Variants in APBA2 observed in about 807,000 individuals in gnomAD.
APBA2 encodes the protein amyloid beta precursor protein binding family A member 2.
In APBA2, 30 loss-of-function variants were observed where a neutral mutation model predicts 75.0. That is an observed-to-expected ratio of 0.40 (90% confidence interval 0.30 to 0.54). The LOEUF (loss-of-function observed/expected upper bound fraction) is 0.54. Ranked by LOEUF, APBA2 falls within the 20% of genes least tolerant of loss-of-function variation. The pLI, the probability that APBA2 is intolerant of heterozygous loss-of-function variation, is 0.49. For synonymous variants in APBA2, 444 were observed against 409.6 expected (o/e 1.08, Z -1.01); for missense variants, 801 against 1,016.1 (o/e 0.79, Z 2.88).
chr15:29,108,334 T>A lies in APBA2; in HGVS notation c.1982T>A (p.Leu661His), dbSNP rs1193959626. 1.2e-6 allele frequency: 2 copies of A among 1,613,978 alleles called. No individual in the cohort carries two copies. The highest frequency in any genetic ancestry group is 1.7e-5 in the Admixed American group (1 of 60,010). Residue 661 changes from leucine (L) to histidine (H), a missense_variant, in exon 13 of 15, where the codon CTT becomes CAT. Physicochemically the swap from Leu to His is moderately conservative, Grantham distance 99. Around this residue, in one of 2 missense-constraint regions of APBA2, gnomAD observed 367 missense variants for 544.5 expected, o/e 0.67. Transcript: ENST00000683413. ...AGCTGTCCCCCGGTCACCACGGTCC[T>A]TATCAAGCGGCCAGACCTCAAGTAC... ...IVSCPPVTTV[L>H]IKRPDLKYQL...
chr15:28,968,210 C>T (rs1466947180), intron 2 of APBA2, among the ~76,000 whole-genome samples: 2 of 152,220 alleles, frequency 1.3e-5, no homozygotes, highest in South Asian at 2.1e-4. Context: ...GTTGTTTCCA[C>T]GTTTTGGGGA....
chr15:29,042,800 C>G (rs1345553542), intron 3 of APBA2, among the ~76,000 whole-genome samples: 2 of 152,048 alleles, frequency 1.3e-5, no homozygotes, highest in Non-Finnish European at 2.9e-5. Flanking sequence ...ATTTCTTTGT[C>G]TCTGAGGATG....
intron 2 of APBA2, among the ~76,000 whole-genome samples, chr15:28,984,761 C>A (rs572059158): frequency 6.6e-6 from 1 of 151,044 alleles, no homozygotes; most frequent in South Asian, 2.1e-4. Flanking sequence ...TCTCTCCCCC[C>A]CCACCCCACT....
At chr15:29,104,631 C>T (rs1195282933) in intron 10 of APBA2, among the ~76,000 whole-genome samples, 1 of 152,226 alleles carries the variant, frequency 6.6e-6, no homozygotes, top group African/African-American at 2.4e-5. Flanking sequence ...CCTGGCACAG[C>T]CACACATCCC....
chr15:29,033,930 A>T (rs1396252960), intron 3 of APBA2, among the ~76,000 whole-genome samples: 4 of 135,952 alleles, frequency 2.9e-5, no homozygotes, highest in Non-Finnish European at 3.0e-5. Context: ...GCACCACTGC[A>T]CTCCAGCCTG....
At chr15:29,048,941 CA>C (rs58925070) in intron 3 of APBA2, among the ~76,000 whole-genome samples, 2,049 of 109,694 alleles carry the variant, frequency 0.019, 30 homozygotes, top group African/African-American at 0.049. Context: ...GACTCAGTCT[CA>C]AAAAAAAAAA....
intron 14 of APBA2, 24 bp downstream of exon 14, chr15:29,114,040 C>T: frequency 1.2e-6 from 2 of 1,613,616 alleles, no homozygotes; most frequent in Non-Finnish European, 1.7e-6. Context: ...TTGAGTGTGC[C>T]TCTGCATGCC....
chr15:29,101,696 C>A lies in APBA2; in HGVS notation c.1436C>A (p.Ala479Asp). ...GCCAGACGCCGCATGCCCCGGTCAG[C>A]CTCTCAGGACTGCATCGAGACCACG... ...LMARRRMPRS[A>D]SQDCIETTPG... Residue 479 changes from alanine to aspartate, a missense_variant, in exon 10 of 15, where the codon GCC becomes GAC. Coordinates refer to ENST00000683413, the MANE Select transcript of APBA2 (RefSeq NM_001353788.2). 6.2e-7 allele frequency: 1 copy of A among 1,613,712 alleles called. No homozygotes were observed.
At chr15:28,897,927 T>C (rs1338210067) in intron 1 of APBA2, among the ~76,000 whole-genome samples, 2 of 152,166 alleles carry the variant, frequency 1.3e-5, no homozygotes, top group Non-Finnish European at 2.9e-5. Flanking sequence ...AAGGATTTTG[T>C]AATGAAGAGA....
At chr15:28,974,365 A>C (rs990030227) in intron 2 of APBA2, among the ~76,000 whole-genome samples, 1 of 152,204 alleles carries the variant, frequency 6.6e-6, no homozygotes, top group Admixed American at 6.5e-5. Context: ...GTGGGGAGAC[A>C]TGAGGGACAC....
intron 2 of APBA2, among the ~76,000 whole-genome samples, chr15:28,986,164 C>T (rs561815866): frequency 6.6e-6 from 1 of 152,328 alleles, no homozygotes; most frequent in South Asian, 2.1e-4. Flanking sequence ...AAGTTTCCTG[C>T]CTCCTGGAGG....
In APBA2 at chr15:28,918,111, T is replaced by C. The variant is rs1695187388; in HGVS notation, c.-204-3529T>C. ...GTGTTTGCTGAGCACTTGGGAGGCA[T>C]AGGCTCGGCGGGAAGGGAAGGCCTG... On this transcript the variant is annotated intron_variant, in intron 1 of 14. Coordinates refer to ENST00000683413, the MANE Select transcript of APBA2 (RefSeq NM_001353788.2). The surrounding 1 kb of genome is among the most constrained non-coding windows in gnomAD (Gnocchi z 4.2). Among the ~76,000 whole-genome samples, 1 of 152,146 alleles carries C rather than the reference T, an allele frequency of 6.6e-6. No individual in the cohort carries two copies. Among genetic ancestry groups the C allele is most frequent in the African/African-American group, 2.4e-5 (1 of 41,430 alleles).
chr15:28,929,396 A>T (rs7168358), intron 2 of APBA2, among the ~76,000 whole-genome samples: 2,989 of 152,266 alleles, frequency 0.02, 82 homozygotes, highest in African/African-American at 0.061. Context: ...TGAATTTGCG[A>T]CACACATGAG....
At chr15:28,994,167 A>G (rs568564342) in intron 2 of APBA2, among the ~76,000 whole-genome samples, 68 of 152,328 alleles carry the variant, frequency 4.5e-4, no homozygotes, top group Non-Finnish European at 9.1e-4. Context: ...TCCAGGCAAC[A>G]TTCTAGAGGT....
chr15:28,986,748 T>G (rs1469900009), intron 2 of APBA2, among the ~76,000 whole-genome samples: 1 of 152,250 alleles, frequency 6.6e-6, no homozygotes, highest in Non-Finnish European at 1.5e-5. Context: ...ATTACAGGCA[T>G]GAGCTACTGC....
At chr15:29,066,704 A>T (rs1467552462) in intron 4 of APBA2, among the ~76,000 whole-genome samples, 1 of 152,148 alleles carries the variant, frequency 6.6e-6, no homozygotes, top group Non-Finnish European at 1.5e-5. Flanking sequence ...TAAGATGGTA[A>T]ATTGTATGTT....
In APBA2 at chr15:29,106,572, C is replaced by T. The variant is rs200801103; in HGVS notation, c.1705-35C>T. On this transcript the variant is annotated intron_variant, in intron 11 of 14. Transcript: ENST00000683413. Reference sequence around the variant, plus strand: ...CCTTGGCAGAGGCCTCGGTCCTTGCCGCCAGCCCCTCTCACACTGCTGATC... The same window carrying T: ...CCTTGGCAGAGGCCTCGGTCCTTGCTGCCAGCCCCTCTCACACTGCTGATC... 3.8e-4 allele frequency: 617 copies of T among 1,611,272 alleles called. 2 individuals are homozygous for T. The African/African-American group carries it at 5.7e-3, about 15-fold the overall frequency.
intron 2 of APBA2, among the ~76,000 whole-genome samples, chr15:28,942,838 C>G (rs570129141): frequency 6.6e-6 from 1 of 152,160 alleles, no homozygotes; most frequent in African/African-American, 2.4e-5. Context: ...AGAAGGCTGG[C>G]GTGGGGCTTC....
At chr15:28,990,899 C>A (rs2038193432) in intron 2 of APBA2, 1 of 152,196 alleles carries the variant, frequency 6.6e-6, no homozygotes, top group East Asian at 1.9e-4. Flanking sequence ...CCTTCCCAAA[C>A]AAAACAATTG....
Sources: allele counts gnomAD v4.1 joint callset (sites outside exome capture counted in the v4.1 genomes callset), GRCh38; gene constraint gnomAD v4.1.1; regional missense constraint gnomAD v4.1.1; non-coding constraint Gnocchi (gnomAD v3.1); transcripts MANE v1.5; gene names NCBI Gene and HGNC (gene_info 2026-07-23, HGNC 2026-07-21).